Variants in TRAPPC9 observed in about 807,000 individuals in gnomAD.
TRAPPC9 encodes the protein trafficking protein particle complex subunit 9.
Under a neutral mutation model 124.0 loss-of-function variants are expected in TRAPPC9, and 83 were observed. That is an observed-to-expected ratio of 0.67 (90% CI 0.56 to 0.80). The LOEUF (loss-of-function observed/expected upper bound fraction) is 0.80. Ranked by LOEUF, TRAPPC9 falls within the 30% of genes least tolerant of loss-of-function variation. The pLI, the probability that TRAPPC9 is intolerant of heterozygous loss-of-function variation, is 0.00. For missense variants in TRAPPC9, 1,302 were observed against 1,508.3 expected (o/e 0.86, Z 2.27); for synonymous variants, 638 against 617.5 (o/e 1.03, Z -0.49).
intron 9 of TRAPPC9, among the ~76,000 whole-genome samples, chr8:140,354,838 G>C (rs2067689935): frequency 6.6e-6 from 1 of 152,176 alleles, no homozygotes; most frequent in African/African-American, 2.4e-5. Flanking sequence ...TGAGAAAATG[G>C]AGGCTGGGGA....
intron 20 of TRAPPC9, among the ~76,000 whole-genome samples, chr8:139,887,988 C>T (rs951213203): frequency 6.6e-6 from 1 of 152,236 alleles, no homozygotes; most frequent in African/African-American, 2.4e-5. Flanking sequence ...CTCAGCAAAC[C>T]TTCCTGCACC....
At chr8:139,996,859 C>T (rs1838032873) in intron 18 of TRAPPC9, among the ~76,000 whole-genome samples, 1 of 152,138 alleles carries the variant, frequency 6.6e-6, no homozygotes, top group South Asian at 2.1e-4. Flanking sequence ...CCTGCCTCAG[C>T]CTCCCAAGTA....
intron 21 of TRAPPC9, among the ~76,000 whole-genome samples, chr8:139,756,936 G>C (rs1819860816): frequency 1.4e-5 from 2 of 140,246 alleles, no homozygotes; most frequent in South Asian, 4.8e-4. Context: ...GAGGAGCCAG[G>C]GTTGGGGTAT....
chr8:140,018,615 C>T (rs555731994), intron 18 of TRAPPC9, among the ~76,000 whole-genome samples: 1 of 152,270 alleles, frequency 6.6e-6, no homozygotes, highest in South Asian at 2.1e-4. Context: ...GCGTGAGCCA[C>T]CGTGCCTGGC....
intron 21 of TRAPPC9, among the ~76,000 whole-genome samples, chr8:139,818,318 G>C (rs1825001883): frequency 6.6e-6 from 1 of 152,222 alleles, no homozygotes; most frequent in South Asian, 2.1e-4. Context: ...GCTCATGCCT[G>C]TAATCCCAGT....
chr8:140,322,252 C>A (rs150787443), intron 9 of TRAPPC9, among the ~76,000 whole-genome samples: 34 of 152,186 alleles, frequency 2.2e-4, no homozygotes, highest in African/African-American at 8.2e-4. Context: ...GTGCCCAGAC[C>A]CCAAGCCAAC....
chr8:139,971,210 C>A (rs1164770476), intron 19 of TRAPPC9, among the ~76,000 whole-genome samples: 1 of 152,144 alleles, frequency 6.6e-6, no homozygotes, highest in Non-Finnish European at 1.5e-5. Flanking sequence ...TTCTCATGAC[C>A]GTCCCTTCCC....
chr8:139,970,657 T>C (rs1455218893), intron 19 of TRAPPC9, among the ~76,000 whole-genome samples: 1 of 152,176 alleles, frequency 6.6e-6, no homozygotes, highest in African/African-American at 2.4e-5. Flanking sequence ...TACAGGGTTA[T>C]AATCAGCTCT....
At chr8:140,255,808 C>T (rs895183387) in intron 15 of TRAPPC9, among the ~76,000 whole-genome samples, 3 of 152,106 alleles carry the variant, frequency 2.0e-5, no homozygotes, top group Non-Finnish European at 4.4e-5. Context: ...GTCACTTGAC[C>T]CAGGGAGGTG....
At chr8:140,290,417 G>A (rs1450622398) in intron 12 of TRAPPC9, among the ~76,000 whole-genome samples, 2 of 152,304 alleles carry the variant, frequency 1.3e-5, no homozygotes, top group South Asian at 2.1e-4. Context: ...AGCTTAGAGC[G>A]CCAGTACTAA....
At chr8:140,024,603 G>C (rs1027541776) in intron 17 of TRAPPC9, among the ~76,000 whole-genome samples, 1 of 151,980 alleles carries the variant, frequency 6.6e-6, no homozygotes. Flanking sequence ...CACCATGTTG[G>C]CCAGGCTGTT....
At chr8:140,267,308 C>A (rs1024492919) in intron 15 of TRAPPC9, among the ~76,000 whole-genome samples, 2 of 152,202 alleles carry the variant, frequency 1.3e-5, no homozygotes, top group African/African-American at 4.8e-5. Flanking sequence ...GGCATGCAAA[C>A]GTGGTCTGCA....
At chr8:140,124,038 G>C (rs920112130) in intron 17 of TRAPPC9, among the ~76,000 whole-genome samples, 11 of 152,246 alleles carry the variant, frequency 7.2e-5, no homozygotes, top group Non-Finnish European at 1.3e-4. Context: ...CCTTATGCTG[G>C]AGGCAAAAGA....
chr8:140,274,787 G>A (rs898622911), intron 15 of TRAPPC9, among the ~76,000 whole-genome samples: 8 of 152,122 alleles, frequency 5.3e-5, no homozygotes, highest in Non-Finnish European at 1.0e-4. Flanking sequence ...GGAGCCCTCT[G>A]CCAGGAAGTA....
At chr8:140,254,058 G>A (rs2064191144) in intron 15 of TRAPPC9, among the ~76,000 whole-genome samples, 1 of 152,162 alleles carries the variant, frequency 6.6e-6, no homozygotes, top group Non-Finnish European at 1.5e-5. Flanking sequence ...CACTGCTGGT[G>A]CCCGCTGAAG....
At chr8:140,139,365 G>A (rs117487567) in intron 17 of TRAPPC9, among the ~76,000 whole-genome samples, 2,050 of 152,204 alleles carry the variant, frequency 0.013, 25 homozygotes, top group Non-Finnish European at 0.022. Context: ...TTGACTACAC[G>A]GTGCTCACAG....
At chr8:139,803,998 A>C (rs1249033451) in intron 21 of TRAPPC9, among the ~76,000 whole-genome samples, 4 of 151,940 alleles carry the variant, frequency 2.6e-5, no homozygotes, top group Non-Finnish European at 5.9e-5. Flanking sequence ...ACAACACAAC[A>C]ACCACTGCTC....
intron 17 of TRAPPC9, among the ~76,000 whole-genome samples, chr8:140,201,429 A>G (rs967861179): frequency 3.3e-5 from 5 of 152,152 alleles, no homozygotes; most frequent in African/African-American, 1.2e-4. Context: ...CTGTTTCTGG[A>G]TTTTTCCAAG....
At chr8:140,138,727 G>A (rs1354536563) in intron 17 of TRAPPC9, among the ~76,000 whole-genome samples, 2 of 152,242 alleles carry the variant, frequency 1.3e-5, no homozygotes, top group Admixed American at 6.5e-5. Flanking sequence ...TAGCAGGAAT[G>A]CATCTGCTGT....
Sources: gnomAD v4.1 joint callset for allele counts (sites outside exome capture counted in the v4.1 genomes callset) on GRCh38, gnomAD v4.1.1 for gene constraint, MANE v1.5 for transcripts, NCBI Gene and HGNC (gene_info 2026-07-23, HGNC 2026-07-21) for gene names.